Variants in EPHA6 observed in about 807,000 individuals in gnomAD.
The protein encoded by EPHA6 is ephrin type-A receptor 6.
A neutral mutation model predicts 112.0 loss-of-function variants in EPHA6; 50 were observed. The observed-to-expected ratio is 0.45, with a 90% CI of 0.36 to 0.56. EPHA6 has a LOEUF of 0.56. EPHA6 is among the 20% of genes least tolerant of loss of function. EPHA6 has a pLI of 0.00. For missense variants in EPHA6, 1,280 were observed against 1,417.4 expected (o/e 0.90, Z 1.56); for synonymous variants, 529 against 490.7 (o/e 1.08, Z -1.03).
At chr3:97,332,913 T>C (rs1267777376) in intron 5 of EPHA6, among the ~76,000 whole-genome samples, 1 of 150,942 alleles carries the variant, frequency 6.6e-6, no homozygotes, top group Non-Finnish European at 1.5e-5. Flanking sequence ...CATTTTATTC[T>C]TTTTTTTTGT....
At chr3:96,869,936 A>G (rs1242569182) in intron 2 of EPHA6, among the ~76,000 whole-genome samples, 1 of 152,028 alleles carries the variant, frequency 6.6e-6, no homozygotes, top group African/African-American at 2.4e-5. Context: ...ATCATATTTT[A>G]TAGATAATTT....
chr3:96,846,652 A>T (rs753297196), intron 1 of EPHA6, among the ~76,000 whole-genome samples: 7 of 152,078 alleles, frequency 4.6e-5, no homozygotes, highest in Non-Finnish European at 8.8e-5. Flanking sequence ...CAATTAACTA[A>T]TCCATCTAGA....
chr3:97,220,947 A>G (rs897374856), intron 3 of EPHA6, among the ~76,000 whole-genome samples: 9 of 152,226 alleles, frequency 5.9e-5, no homozygotes, highest in African/African-American at 1.7e-4. Context: ...AGATGAATGC[A>G]CTATTCCAAA....
At chr3:96,876,989 A>C (rs2036999158) in intron 2 of EPHA6, among the ~76,000 whole-genome samples, 1 of 152,078 alleles carries the variant, frequency 6.6e-6, no homozygotes, top group African/African-American at 2.4e-5. Context: ...GCAGTAATGG[A>C]TTGGGTGTTG....
intron 11 of EPHA6, among the ~76,000 whole-genome samples, chr3:97,557,627 C>T (rs898791153): frequency 2.6e-5 from 4 of 151,886 alleles, no homozygotes; most frequent in African/African-American, 9.7e-5. Context: ...TTTTTCTCCA[C>T]TTCAGGGTAG....
At chr3:97,131,950 G>C (rs1473270493) in intron 3 of EPHA6, among the ~76,000 whole-genome samples, 1 of 152,016 alleles carries the variant, frequency 6.6e-6, no homozygotes, top group Non-Finnish European at 1.5e-5. Context: ...AATATAGTGT[G>C]TCTTCCACTA....
Position 97,154,246 on chromosome 3 carries a change from A to G in EPHA6, c.1115-72018A>G, listed in dbSNP as rs1315447223. Among the ~76,000 whole-genome samples the G allele has an allele frequency of 3.3e-5, 5 of 151,856 alleles. No individual in the cohort carries two copies. In the East Asian group the frequency reaches 9.7e-4, roughly 29 times the overall value. ...CCAAATTTGCATATATTGGGAAGAT[A>G]TGTCTCGTCTTTTTCTTTAAACAAT... On this transcript the variant is annotated intron_variant, in intron 3 of 17. Transcript: ENST00000389672.
At chr3:97,512,681 A>G (rs1376352735) in intron 10 of EPHA6, among the ~76,000 whole-genome samples, 1 of 152,092 alleles carries the variant, frequency 6.6e-6, no homozygotes, top group Non-Finnish European at 1.5e-5. Flanking sequence ...CTCCTGTCTC[A>G]ATCTCCGGAG....
intron 3 of EPHA6, among the ~76,000 whole-genome samples, chr3:97,160,118 G>A (rs896987205): frequency 2.0e-5 from 3 of 152,068 alleles, no homozygotes; most frequent in East Asian, 1.9e-4. Flanking sequence ...TCCTGCCATC[G>A]TGGTCGCTTT....
At chr3:97,503,032 A>G (rs1181681166) in intron 10 of EPHA6, among the ~76,000 whole-genome samples, 1 of 151,552 alleles carries the variant, frequency 6.6e-6, no homozygotes, top group Admixed American at 6.6e-5. Context: ...AATATTACAG[A>G]TGAAAAAGGA....
chr3:97,429,718 A>G (rs1350396716), intron 6 of EPHA6, among the ~76,000 whole-genome samples: 1 of 152,204 alleles, frequency 6.6e-6, no homozygotes, highest in East Asian at 1.9e-4. Flanking sequence ...CAGCTTCTAT[A>G]ATTTTAAACA....
intron 3 of EPHA6, among the ~76,000 whole-genome samples, chr3:97,168,615 GTCTCTCTCTT>G (rs902836785): frequency 2.1e-5 from 2 of 93,940 alleles, no homozygotes; most frequent in Non-Finnish European, 3.8e-5. Flanking sequence ...CTCTGTCTCT[GTCTCTCTCTT>G]TCTCTCTCCT....
intron 11 of EPHA6, among the ~76,000 whole-genome samples, chr3:97,539,064 T>TTCCC (rs2092807546): frequency 7.8e-6 from 1 of 128,444 alleles, no homozygotes; most frequent in Admixed American, 8.1e-5. Context: ...TTTCTCTTTC[T>TTCCC]TCCCTTCCTT....
rs1229262076 is a variant in EPHA6, at chr3:97,752,951, A to T, written c.*4250A>T. On this transcript the variant is annotated 3_prime_UTR_variant, in exon 18 of 18. Transcript: ENST00000389672. ...AAATTCTGTGAAGTAGAAGAGACTC[A>T]TATTACTTTACATTCAATCAACAAA... Among the ~76,000 whole-genome samples, 1 of 152,112 alleles carries T rather than the reference A, an allele frequency of 6.6e-6. No individual in the cohort carries two copies. Among genetic ancestry groups the T allele is most frequent in the African/African-American group, 2.4e-5 (1 of 41,432 alleles).
chr3:96,937,942 G>T (rs1000680490), intron 2 of EPHA6, among the ~76,000 whole-genome samples: 2 of 152,018 alleles, frequency 1.3e-5, no homozygotes, highest in Non-Finnish European at 2.9e-5. Flanking sequence ...ATTTCTGAGG[G>T]CTCTGTTCTG....
intron 2 of EPHA6, among the ~76,000 whole-genome samples, chr3:96,941,938 T>C (rs1329523948): frequency 6.6e-6 from 1 of 152,116 alleles, no homozygotes; most frequent in Non-Finnish European, 1.5e-5. Flanking sequence ...CGGATTTTCA[T>C]GAACGCAAAT....
rs2035976780 is a variant in EPHA6 at position 97,754,499 on chromosome 3, T to A, written c.*5798T>A. 6.6e-6 allele frequency among the ~76,000 whole-genome samples: 1 copy of A among 152,156 alleles called. No homozygotes were observed. Among genetic ancestry groups the A allele is most frequent in the Non-Finnish European group, 1.5e-5 (1 of 68,038 alleles). ...ATTTTACAATATATTTGGAACTTCT[T>A]TAGGTAGCCAGTGGCAATCCAAAAT... On this transcript the variant is annotated 3_prime_UTR_variant, in exon 18 of 18. Coordinates refer to ENST00000389672, the MANE Select transcript of EPHA6 (RefSeq NM_001080448.3).
At chr3:97,581,106 T>A (rs2093433466) in intron 11 of EPHA6, among the ~76,000 whole-genome samples, 1 of 152,190 alleles carries the variant, frequency 6.6e-6, no homozygotes, top group Admixed American at 6.5e-5. Flanking sequence ...CAAGATCGTC[T>A]CTCTGTCTGT....
At chr3:96,867,993 A>G (rs1283728913) in intron 2 of EPHA6, among the ~76,000 whole-genome samples, 1 of 151,900 alleles carries the variant, frequency 6.6e-6, no homozygotes, top group East Asian at 1.9e-4. Context: ...GCTCTTATCA[A>G]ACTGTTTCTG....
Sources: allele counts gnomAD v4.1 joint callset (sites outside exome capture counted in the v4.1 genomes callset), GRCh38; gene constraint gnomAD v4.1.1; transcripts MANE v1.5; gene names NCBI Gene and HGNC (gene_info 2026-07-23, HGNC 2026-07-21).